KCNQ1: variants seen among roughly 807,000 people sequenced by gnomAD.
The protein encoded by KCNQ1 is potassium voltage-gated channel subfamily KQT member 1.
Under a neutral mutation model 72.4 loss-of-function variants are expected in KCNQ1, and 49 were observed. The ratio of observed to expected loss-of-function variants is 0.68; its 90% confidence interval spans 0.54 to 0.86. The LOEUF (loss-of-function observed/expected upper bound fraction) is 0.86, where lower values mean the gene tolerates loss of function less well. KCNQ1 is among the 40% of genes least tolerant of loss of function. The pLI, the probability that KCNQ1 is intolerant of heterozygous loss-of-function variation, is 0.00. For synonymous variants in KCNQ1, 450 were observed against 412.6 expected, an observed-to-expected ratio of 1.09 and a Z score of -1.10; for missense variants, 790 against 945.1, an observed-to-expected ratio of 0.84 and a Z score of 2.15.
intron 1 of KCNQ1, among the ~76,000 whole-genome samples, chr11:2,455,802 C>T (rs1452657175): frequency 6.6e-6 from 1 of 152,194 alleles, no homozygotes; most frequent in Non-Finnish European, 1.5e-5. Flanking sequence ...TCAAACTATA[C>T]TTCAAGGCTA....
chr11:2,517,798 C>T lies in KCNQ1; in HGVS notation c.387-10130C>T, dbSNP rs375246309. Among the ~76,000 whole-genome samples, 332 of 152,338 alleles carry T rather than the reference C, an allele frequency of 2.2e-3. 1 individual carries two copies. The highest frequency in any genetic ancestry group is 7.6e-3 in the African/African-American group (315 of 41,574). ...GGGCCATGCCTGCGCCCGCAGCTCA[C>T]GTCAGAGCCCACCCCAGGAGGCTCC... On this transcript the variant is annotated intron_variant, in intron 1 of 15. Transcript: ENST00000155840.
In KCNQ1 at chr11:2,617,203, CCTTTGACCTACAT is replaced by C. The variant is rs1257462921; in HGVS notation, c.1393+28354_1393+28366del. On this transcript the variant is annotated intron_variant, in intron 10 of 15. Coordinates refer to ENST00000155840, the MANE Select transcript of KCNQ1 (RefSeq NM_000218.3). The surrounding 1 kb of genome is among the most constrained non-coding windows in gnomAD (Gnocchi z 4.6). ...ATCCTATATATCTGCTACTTGGTAT[CCTTTGACCTACAT>C]CTTTCCATTTTCTTCCCCCACACCT... 3 of 398,300 alleles carry C rather than the reference CCTTTGACCTACAT, an allele frequency of 7.5e-6. No individual in the cohort carries two copies. Among genetic ancestry groups the C allele is most frequent in the African/African-American group, 6.2e-5 (3 of 48,712 alleles). The allele number at this position is 398,300 out of a possible 1,614,324, so 24.7% of individuals were successfully genotyped here. A position where few individuals can be genotyped will look rare whatever the true frequency, so the allele number is the denominator to read the frequency against.
intron 15 of KCNQ1, among the ~76,000 whole-genome samples, chr11:2,822,939 AT>A (rs1847768240): frequency 6.6e-6 from 1 of 151,932 alleles, no homozygotes; most frequent in Non-Finnish European, 1.5e-5. Context: ...AAAAAAAAAA[AT>A]CAGTAAAAGA....
chr11:2,637,244 T>C (rs1017500081), intron 10 of KCNQ1: 2 of 152,210 alleles, frequency 1.3e-5, no homozygotes, highest in African/African-American at 4.8e-5. Flanking sequence ...TGTTTGCTCT[T>C]GCTTCTCTAG....
In KCNQ1 at chr11:2,516,196, AC is replaced by A. The variant is rs1847286156; in HGVS notation, c.387-11730del. Reference sequence around the variant, plus strand: ...GAGACCCGGAGTCCAGTTCTCGCCAACCGCTCGATGCTGTGTGACTTGAGGC... The same window carrying A: ...GAGACCCGGAGTCCAGTTCTCGCCAACGCTCGATGCTGTGTGACTTGAGGC... On this transcript the variant is annotated intron_variant, in intron 1 of 15. Transcript: ENST00000155840. The surrounding 1 kb of genome is among the most constrained non-coding windows in gnomAD (Gnocchi z 7.0). Among the ~76,000 whole-genome samples the A allele has an allele frequency of 5.3e-5, 8 of 152,156 alleles. 1 individual carries two copies. In the South Asian group the frequency reaches 1.7e-3, roughly 32 times the overall value.
chr11:2,689,998 G>T lies in KCNQ1; in HGVS notation c.1514+27917G>T, dbSNP rs533861774. 8.3e-4 allele frequency: 332 copies of T among 398,846 alleles called. No individual in the cohort carries two copies. Among genetic ancestry groups the T allele is most frequent in the Non-Finnish European group, 1.3e-3 (297 of 226,232 alleles). 24.7% of individuals were successfully genotyped at this position (398,846 alleles called of 1,614,324 possible). A position where few individuals can be genotyped will look rare whatever the true frequency, so the allele number is the denominator to read the frequency against. ...CTTGGAAGACCTTTGCCCAAGCAGA[G>T]AACTGTTGAGGAAGGTGAGCCTTCC... On this transcript the variant is annotated intron_variant, in intron 11 of 15. Coordinates refer to ENST00000155840, the MANE Select transcript of KCNQ1 (RefSeq NM_000218.3).
chr11:2,731,667 CA>C (rs1427094138), intron 11 of KCNQ1, among the ~76,000 whole-genome samples: 1 of 152,240 alleles, frequency 6.6e-6, no homozygotes, highest in African/African-American at 2.4e-5. Flanking sequence ...TCACCCCCAG[CA>C]GCGCACACAG....
At chr11:2,637,862 G>C (rs774659617) in intron 10 of KCNQ1, 33 of 152,270 alleles carry the variant, frequency 2.2e-4, no homozygotes, top group Non-Finnish European at 4.1e-4. Flanking sequence ...GAATCTGGGT[G>C]CTCCTGTATT....
At chr11:2,699,878 C>A (rs539003266) in intron 11 of KCNQ1, 2 of 398,288 alleles carry the variant, frequency 5.0e-6, no homozygotes, top group South Asian at 2.5e-4. Context: ...GCTGAGGAGC[C>A]CCGGGGAGGA....
Position 2,485,042 on chromosome 11 carries a change from C to T in KCNQ1, c.386+39558C>T, listed in dbSNP as rs575871889. 1.3e-3 allele frequency among the ~76,000 whole-genome samples: 197 copies of T among 152,284 alleles called. 1 individual carries two copies. Among genetic ancestry groups the T allele is most frequent in the African/African-American group, 4.5e-3 (189 of 41,564 alleles). On this transcript the variant is annotated intron_variant, in intron 1 of 15. Transcript: ENST00000155840. ...CCCAGAGCCTGGCGCCTGTGCATGG[C>T]GTCTGTGCACGGCGCGTCTTGTCTT...
At chr11:2,531,039 G>C (rs747621509) in intron 2 of KCNQ1, among the ~76,000 whole-genome samples, 4 of 152,160 alleles carry the variant, frequency 2.6e-5, no homozygotes, top group Non-Finnish European at 5.9e-5. Flanking sequence ...CTCCTGCCCA[G>C]CCAGGGCTGT....
rs1849166989 is a variant in KCNQ1, at chr11:2,621,234, T to A, written c.1393+32380T>A. 2.5e-6 allele frequency: 1 copy of A among 398,064 alleles called. No individual in the cohort carries two copies. Among genetic ancestry groups the A allele is most frequent in the Non-Finnish European group, 4.4e-6 (1 of 226,068 alleles). 24.7% of individuals were successfully genotyped at this position (398,064 alleles called of 1,614,324 possible). A position where few individuals can be genotyped will look rare whatever the true frequency, so the allele number is the denominator to read the frequency against. On this transcript the variant is annotated intron_variant, in intron 10 of 15. Coordinates refer to ENST00000155840, the MANE Select transcript of KCNQ1 (RefSeq NM_000218.3). This position sits in a 1 kb window ranked among gnomAD's most constrained non-coding sequence, Gnocchi z 5.7. ...CCCAGATGATCCACGCACCTCAGCCTCCCAAAGTGCTAGGACTACAGGCAT... is the reference window on the plus strand; with the variant it reads ...CCCAGATGATCCACGCACCTCAGCCACCCAAAGTGCTAGGACTACAGGCAT...
At chr11:2,499,534 A>AG (rs1164245834) in intron 1 of KCNQ1, among the ~76,000 whole-genome samples, 2 of 100,250 alleles carry the variant, frequency 2.0e-5, no homozygotes, top group Non-Finnish European at 4.5e-5. Flanking sequence ...CTGCCCCCAC[A>AG]AAAAAAGACC....
At chr11:2,489,443 G>A (rs1448384927) in intron 1 of KCNQ1, among the ~76,000 whole-genome samples, 1 of 152,148 alleles carries the variant, frequency 6.6e-6, no homozygotes, top group Non-Finnish European at 1.5e-5. Flanking sequence ...AGTGCTCTGG[G>A]GTTCTAAATA....
At chr11:2,702,292 C>T (rs1202186448) in intron 11 of KCNQ1, among the ~76,000 whole-genome samples, 2 of 152,200 alleles carry the variant, frequency 1.3e-5, no homozygotes, top group African/African-American at 2.4e-5. Context: ...TTGTTAGCTG[C>T]ATCAGATGGA....
Position 2,676,159 on chromosome 11 carries a change from TAC to T in KCNQ1, c.1514+14081_1514+14082del. 2.5e-6 allele frequency: 1 copy of T among 398,684 alleles called. No individual in the cohort carries two copies. Among genetic ancestry groups the T allele is most frequent in the Non-Finnish European group, 4.4e-6 (1 of 226,072 alleles). The allele number at this position is 398,684 out of a possible 1,614,324, so 24.7% of individuals were successfully genotyped here. On this transcript the variant is annotated intron_variant, in intron 11 of 15. Coordinates refer to ENST00000155840, the MANE Select transcript of KCNQ1 (RefSeq NM_000218.3). This position sits in a 1 kb window ranked among gnomAD's most constrained non-coding sequence, Gnocchi z 4.2. ...TGGTAGCATACTGTATGTATTTTTC[TAC>T]ACTTTGCCTTTGACTTCTTCCATAG...
chr11:2,705,314 T>A (rs1041543772), intron 11 of KCNQ1, among the ~76,000 whole-genome samples: 1 of 151,996 alleles, frequency 6.6e-6, no homozygotes, highest in African/African-American at 2.4e-5. Flanking sequence ...GTGGGCCAGT[T>A]CCCATTGGGA....
intron 10 of KCNQ1, chr11:2,649,230 T>C (rs1007371448): frequency 2.5e-6 from 1 of 398,412 alleles, no homozygotes. Context: ...TATCAATAGG[T>C]GAGGACTTAC....
rs1847929071 is a variant in KCNQ1 at position 2,830,592 on chromosome 11, C to T, written c.1795-17175C>T. Among the ~76,000 whole-genome samples the T allele has an allele frequency of 1.3e-5, 2 of 152,170 alleles. No homozygotes were observed. Among genetic ancestry groups the T allele is most frequent in the Admixed American group, 6.5e-5 (1 of 15,288 alleles). On this transcript the variant is annotated intron_variant, in intron 15 of 15. Coordinates refer to ENST00000155840, the MANE Select transcript of KCNQ1 (RefSeq NM_000218.3). This position sits in a 1 kb window ranked among gnomAD's most constrained non-coding sequence, Gnocchi z 7.7. ...GGATGGGGCCTGAATCTCTCATCAA[C>T]TCACAGGGTCAGCCTGGGCCAGGCA... is the stretch of plus-strand genomic sequence containing the variant.
Sources: gnomAD v4.1 joint callset for allele counts (sites outside exome capture counted in the v4.1 genomes callset) on GRCh38, gnomAD v4.1.1 for gene constraint, Gnocchi (gnomAD v3.1) non-coding constraint, MANE v1.5 for transcripts, NCBI Gene and HGNC (gene_info 2026-07-23, HGNC 2026-07-21) for gene names.